Variants in MBOAT1 observed in about 807,000 individuals in gnomAD.
The protein encoded by MBOAT1 is membrane-bound glycerophospholipid O-acyltransferase 1.
Under a neutral mutation model 64.4 loss-of-function variants are expected in MBOAT1, and 67 were observed. The observed-to-expected ratio is 1.04, with a 90% CI of 0.85 to 1.27. The LOEUF is 1.27. Ranked by LOEUF, MBOAT1 falls within the 50% of genes most tolerant of loss-of-function variation. MBOAT1 has a pLI of 0.00. For synonymous variants in MBOAT1, 229 were observed against 218.9 expected (o/e 1.05, Z -0.41); for missense variants, 563 against 604.6 (o/e 0.93, Z 0.72).
At chr6:20,128,018 A>G (rs1376452076) in intron 6 of MBOAT1, among the ~76,000 whole-genome samples, 1 of 151,998 alleles carries the variant, frequency 6.6e-6, no homozygotes, top group African/African-American at 2.4e-5. Context: ...GAAGAAGTCA[A>G]TCTCCTCTAC....
intron 1 of MBOAT1, among the ~76,000 whole-genome samples, chr6:20,194,596 C>A (rs1440738278): frequency 6.6e-6 from 1 of 152,190 alleles, no homozygotes; most frequent in Admixed American, 6.5e-5. Context: ...TTAAGGGTAA[C>A]ACACTATCCA....
intron 1 of MBOAT1, among the ~76,000 whole-genome samples, chr6:20,174,474 C>T (rs1374603569): frequency 6.6e-6 from 1 of 152,144 alleles, no homozygotes; most frequent in Non-Finnish European, 1.5e-5. Flanking sequence ...AGTAATAATA[C>T]AGCAGAAAAA....
chr6:20,153,592 G>A (rs556318579), intron 1 of MBOAT1, among the ~76,000 whole-genome samples: 1 of 152,268 alleles, frequency 6.6e-6, no homozygotes, highest in South Asian at 2.1e-4. Context: ...CAAAATGCAG[G>A]ACTTACAACA....
chr6:20,172,879 G>T (rs1434525087), intron 1 of MBOAT1, among the ~76,000 whole-genome samples: 1 of 152,116 alleles, frequency 6.6e-6, no homozygotes, highest in Non-Finnish European at 1.5e-5. Flanking sequence ...ATCTCATGTT[G>T]AATTGTAATC....
At position 20,109,761 on chromosome 6, in the gene MBOAT1, C is replaced by G; in HGVS notation, c.1210-12G>C. 6.2e-7 allele frequency: 1 copy of G among 1,611,828 alleles called. No individual in the cohort carries two copies. The highest frequency in any genetic ancestry group is 8.5e-7 in the Non-Finnish European group (1 of 1,178,274). ...TAGTTGTTCCTGACCTGCAGGCCAA[C>G]ACAGGCAACAGTAGTGAGGAGGGGG... On this transcript the variant is annotated splice_polypyrimidine_tract_variant and intron_variant, in intron 11 of 12. Transcript: ENST00000324607.
chr6:20,138,561 T>G (rs945698208), intron 4 of MBOAT1, among the ~76,000 whole-genome samples: 1 of 152,252 alleles, frequency 6.6e-6, no homozygotes, highest in African/African-American at 2.4e-5. Context: ...ATTTTTTCCC[T>G]TTGATAATTT....
intron 1 of MBOAT1, among the ~76,000 whole-genome samples, chr6:20,173,282 T>G (rs1034045217): frequency 6.6e-6 from 1 of 152,164 alleles, no homozygotes; most frequent in African/African-American, 2.4e-5. Context: ...AAATGTGAGT[T>G]TTCATCCATA....
At chr6:20,177,589 C>T (rs540007785) in intron 1 of MBOAT1, among the ~76,000 whole-genome samples, 95 of 151,964 alleles carry the variant, frequency 6.3e-4, no homozygotes, top group Middle Eastern at 3.4e-3. Flanking sequence ...ATGGCTACCA[C>T]GGTGAAACCC....
intron 1 of MBOAT1, among the ~76,000 whole-genome samples, chr6:20,165,043 G>T (rs1451893365): frequency 6.6e-6 from 1 of 152,196 alleles, no homozygotes; most frequent in Non-Finnish European, 1.5e-5. Flanking sequence ...TAAATGCATT[G>T]TTTGATTTTT....
In MBOAT1 at chr6:20,128,766, A is replaced by C. The variant is rs575570922; in HGVS notation, c.476-13T>G. On this transcript the variant is annotated splice_polypyrimidine_tract_variant and intron_variant, in intron 5 of 12. Transcript: ENST00000324607. ...CTTCGACCTAATCCTATGAAAAAGA[A>C]AAGAATTTAGAAATAAGATGTTTGA... The C allele has an allele frequency of 1.1e-5, 18 of 1,586,270 alleles. No homozygotes were observed. Among genetic ancestry groups the C allele is most frequent in the Non-Finnish European group, 1.4e-5 (16 of 1,166,764 alleles).
chr6:20,197,187 AG>A (rs543412089), intron 1 of MBOAT1, among the ~76,000 whole-genome samples: 2 of 152,038 alleles, frequency 1.3e-5, no homozygotes, highest in Non-Finnish European at 2.9e-5. Context: ...CCTGAGCTCA[AG>A]GGATCCTCCT....
At chr6:20,174,423 C>A (rs901029400) in intron 1 of MBOAT1, among the ~76,000 whole-genome samples, 2 of 152,168 alleles carry the variant, frequency 1.3e-5, no homozygotes, top group African/African-American at 4.8e-5. Flanking sequence ...ATACTGAACA[C>A]TGCAGGCAAG....
chr6:20,114,206 C>T (rs542514623), intron 10 of MBOAT1, among the ~76,000 whole-genome samples: 2 of 152,284 alleles, frequency 1.3e-5, no homozygotes, highest in African/African-American at 4.8e-5. Context: ...TCTTCCCTTA[C>T]CCCAGTGTTT....
intron 1 of MBOAT1, among the ~76,000 whole-genome samples, chr6:20,161,437 CA>C (rs1761855676): frequency 6.6e-6 from 1 of 152,062 alleles, no homozygotes; most frequent in African/African-American, 2.4e-5. Context: ...CCCCATCCCC[CA>C]CCCCCACTCC....
At chr6:20,188,903 C>T (rs1034980131) in intron 1 of MBOAT1, among the ~76,000 whole-genome samples, 6 of 152,152 alleles carry the variant, frequency 3.9e-5, no homozygotes, top group African/African-American at 1.4e-4. Flanking sequence ...TGAAAGAACT[C>T]AACCAAGGAC....
chr6:20,206,470 A>G (rs933252882), intron 1 of MBOAT1, among the ~76,000 whole-genome samples: 4 of 152,132 alleles, frequency 2.6e-5, no homozygotes, highest in African/African-American at 9.7e-5. Flanking sequence ...CACCAAGCCC[A>G]GCCACTTTGT....
At chr6:20,182,366 C>T (rs1762535558) in intron 1 of MBOAT1, among the ~76,000 whole-genome samples, 1 of 152,150 alleles carries the variant, frequency 6.6e-6, no homozygotes, top group Non-Finnish European at 1.5e-5. Context: ...CAAAGGCCCA[C>T]CTCTTAATAT....
intron 1 of MBOAT1, among the ~76,000 whole-genome samples, chr6:20,165,306 T>C (rs527825944): frequency 6.6e-6 from 1 of 152,162 alleles, no homozygotes; most frequent in East Asian, 1.9e-4. Context: ...CAAAACTACA[T>C]GTCCAACATT....
At chr6:20,150,310 C>T (rs563192976) in intron 3 of MBOAT1, among the ~76,000 whole-genome samples, 239 of 152,014 alleles carry the variant, frequency 1.6e-3, no homozygotes, top group African/African-American at 5.5e-3. Context: ...TATATAGATA[C>T]CCAGAAAACG....
Sources: allele counts gnomAD v4.1 joint callset (sites outside exome capture counted in the v4.1 genomes callset), GRCh38; gene constraint gnomAD v4.1.1; transcripts MANE v1.5; gene names NCBI Gene and HGNC (gene_info 2026-07-23, HGNC 2026-07-21).